Variants in SULF2 observed in about 807,000 individuals in gnomAD.
SULF2 encodes the protein extracellular sulfatase Sulf-2.
Under a neutral mutation model 107.7 loss-of-function variants are expected in SULF2, and 52 were observed. The observed-to-expected ratio is 0.48, with a 90% CI of 0.39 to 0.61. SULF2 has a LOEUF of 0.61. SULF2 is among the 20% of genes least tolerant of loss of function. The pLI is 0.00. For missense variants in SULF2, 993 were observed against 1,177.3 expected (o/e 0.84, Z 2.29); for synonymous variants, 460 against 464.3 (o/e 0.99, Z 0.12).
intron 1 of SULF2, among the ~76,000 whole-genome samples, chr20:47,779,907 A>G (rs7262616): frequency 0.21 from 32,162 of 151,936 alleles, 3,799 homozygotes; most frequent in African/African-American, 0.32. Flanking sequence ...GCGTCCAGAC[A>G]GTTATCCATT....
At chr20:47,708,676 A>G (rs931105221) in intron 3 of SULF2, among the ~76,000 whole-genome samples, 7 of 152,190 alleles carry the variant, frequency 4.6e-5, no homozygotes, top group Non-Finnish European at 8.8e-5. Context: ...CTACACTCCC[A>G]CATCTTCCAA....
chr20:47,678,606 A>G lies in SULF2; in HGVS notation c.1193+70T>C, dbSNP rs2087724919. On this transcript the variant is annotated intron_variant, in intron 8 of 20. Coordinates refer to ENST00000688720, the MANE Select transcript of SULF2 (RefSeq NM_001387048.1). This position sits in a 1 kb window ranked among gnomAD's most constrained non-coding sequence, Gnocchi z 4.5. ...TGGAGACCCCACGTTCTAGACCCAC[A>G]GGGTTTTGCTCTGAGTTCCCGCAGG... is the stretch of plus-strand genomic sequence containing the variant. 1.3e-6 allele frequency: 2 copies of G among 1,589,010 alleles called. No homozygotes were observed. Among genetic ancestry groups the G allele is most frequent in the Non-Finnish European group, 1.7e-6 (2 of 1,164,798 alleles).
Position 47,741,768 on chromosome 20 carries a change from C to T in SULF2, c.176-4826G>A, listed in dbSNP as rs191569234. 9.2e-5 allele frequency among the ~76,000 whole-genome samples: 14 copies of T among 152,310 alleles called. No individual in the cohort carries two copies. In the East Asian group the frequency reaches 2.7e-3, roughly 29 times the overall value. On this transcript the variant is annotated intron_variant, in intron 2 of 20. Coordinates refer to ENST00000688720, the MANE Select transcript of SULF2 (RefSeq NM_001387048.1). ...CGGTCTCCAGACCCTGCAGAAAGGA[C>T]AAAAGCTGGCCACCCACCTAACTGG...
intron 11 of SULF2, among the ~76,000 whole-genome samples, chr20:47,669,809 T>C (rs1042382763): frequency 6.6e-6 from 1 of 152,208 alleles, no homozygotes; most frequent in African/African-American, 2.4e-5. Context: ...GGTATTTTTC[T>C]TTCCTCTAAG....
rs754933809 is a variant in SULF2 at position 47,736,777 on chromosome 20, G to A, written c.341C>T (p.Ser114Phe). Reference protein sequence around the residue: ...HNTYTNNENCSSPSWQAQHES... With the variant: ...HNTYTNNENCFSPSWQAQHES... ...GTGCTGTGCCTGCCAGGAGGGCGAG[G>A]AGCAGTTCTCATTGTTGGTGTAGGT... The change falls in exon 3 of 21, where the codon TCC becomes TTC. Residue 114 changes from serine to phenylalanine, a missense_variant. Coordinates refer to ENST00000688720, the MANE Select transcript of SULF2 (RefSeq NM_001387048.1). The A allele has an allele frequency of 2.5e-6, 4 of 1,614,258 alleles. No individual in the cohort carries two copies. Among genetic ancestry groups the A allele is most frequent in the East Asian group, 2.2e-5 (1 of 44,886 alleles).
intron 2 of SULF2, among the ~76,000 whole-genome samples, chr20:47,749,500 G>T (rs2090116466): frequency 6.6e-6 from 1 of 152,234 alleles, no homozygotes; most frequent in African/African-American, 2.4e-5. Flanking sequence ...CAGGAGGTGG[G>T]ATCTCAGAGA....
At chr20:47,708,563 T>C (rs2088823560) in intron 3 of SULF2, among the ~76,000 whole-genome samples, 1 of 152,136 alleles carries the variant, frequency 6.6e-6, no homozygotes, top group Non-Finnish European at 1.5e-5. Context: ...TCACAAGTCA[T>C]TTAAGAAGCA....
chr20:47,769,164 C>T (rs1217397410), intron 1 of SULF2, among the ~76,000 whole-genome samples: 4 of 152,110 alleles, frequency 2.6e-5, no homozygotes, highest in African/African-American at 9.7e-5. Context: ...CCTCCGCCTC[C>T]TGAGTAGCTG....
chr20:47,774,832 A>G (rs535993933), intron 1 of SULF2, among the ~76,000 whole-genome samples: 244 of 152,278 alleles, frequency 1.6e-3, no homozygotes, highest in Non-Finnish European at 2.0e-3. Flanking sequence ...ACCAAGGTCA[A>G]TCAGACTTTC....
At chr20:47,691,491 C>T (rs933349058) in intron 4 of SULF2, among the ~76,000 whole-genome samples, 1 of 152,174 alleles carries the variant, frequency 6.6e-6, no homozygotes, top group African/African-American at 2.4e-5. Flanking sequence ...TTGGATTGGC[C>T]TGCGGTTTGG....
chr20:47,660,005 T>C (rs894785717), intron 18 of SULF2, among the ~76,000 whole-genome samples: 2 of 152,258 alleles, frequency 1.3e-5, no homozygotes, highest in East Asian at 3.9e-4. Flanking sequence ...ACCTTAGTTA[T>C]GGTGAGGGAG....
At chr20:47,699,131 T>C (rs1324410980) in intron 4 of SULF2, among the ~76,000 whole-genome samples, 2 of 148,054 alleles carry the variant, frequency 1.4e-5, no homozygotes, top group Admixed American at 6.6e-5. Flanking sequence ...GTGATGTGAC[T>C]GTGTGTGTGT....
intron 3 of SULF2, among the ~76,000 whole-genome samples, chr20:47,707,066 T>A (rs534905025): frequency 2.0e-5 from 3 of 152,158 alleles, no homozygotes; most frequent in Non-Finnish European, 4.4e-5. Flanking sequence ...CTCAGCTCAC[T>A]GCAACCTCTG....
At chr20:47,785,156 C>T (rs2090901504) in intron 1 of SULF2, among the ~76,000 whole-genome samples, 187 bp downstream of exon 1, 1 of 151,458 alleles carries the variant, frequency 6.6e-6, no homozygotes, top group Admixed American at 6.6e-5. Flanking sequence ...CGGAGCCTCC[C>T]TCCCGCCCGC....
intron 10 of SULF2, among the ~76,000 whole-genome samples, chr20:47,675,645 C>T (rs2087615051): frequency 6.6e-6 from 1 of 152,126 alleles, no homozygotes. Flanking sequence ...GCTCCAGCCC[C>T]AGCTCAAAGT....
intron 14 of SULF2, 52 bp from the exon 15 acceptor site, chr20:47,664,241 G>T (rs957856705): frequency 8.4e-6 from 13 of 1,550,702 alleles, no homozygotes; most frequent in African/African-American, 1.4e-5. Flanking sequence ...AGAGGGCTCC[G>T]CTGGCAGGTG....
At chr20:47,687,232 C>T (rs548448209) in intron 5 of SULF2, among the ~76,000 whole-genome samples, 42 of 152,200 alleles carry the variant, frequency 2.8e-4, no homozygotes, top group African/African-American at 9.1e-4. Flanking sequence ...GACACTGAGG[C>T]CAGAAGGCAG....
chr20:47,762,318 C>CA (rs1170022669), intron 1 of SULF2, among the ~76,000 whole-genome samples: 1 of 152,216 alleles, frequency 6.6e-6, no homozygotes, highest in Non-Finnish European at 1.5e-5. Flanking sequence ...GGGTGCCCTA[C>CA]AAATAGCAAC....
intron 4 of SULF2, among the ~76,000 whole-genome samples, chr20:47,692,446 G>T (rs2088228996): frequency 6.6e-6 from 1 of 152,190 alleles, no homozygotes; most frequent in South Asian, 2.1e-4. Flanking sequence ...ACAAGGTCTT[G>T]CTCTGTCAGG....
Sources: allele counts gnomAD v4.1 joint callset (sites outside exome capture counted in the v4.1 genomes callset), GRCh38; gene constraint gnomAD v4.1.1; non-coding constraint Gnocchi (gnomAD v3.1); transcripts MANE v1.5; gene names NCBI Gene and HGNC (gene_info 2026-07-23, HGNC 2026-07-21).